The following CDH17 variants were observed in gnomAD, a reference collection of about 807,000 sequenced individuals.
CDH17 encodes cadherin-17.
A neutral mutation model predicts 86.3 loss-of-function variants in CDH17; 67 were observed. The ratio of observed to expected loss-of-function variants is 0.78; its 90% CI spans 0.64 to 0.95. The LOEUF (loss-of-function observed/expected upper bound fraction) is 0.95, where lower values mean the gene tolerates loss of function less well. Among genes scored for constraint, CDH17 ranks in the 40% least tolerant of loss-of-function variants. The pLI is 0.00. For synonymous variants in CDH17, 367 were observed against 366.4 expected, an observed-to-expected ratio of 1.00 and a Z score of -0.02; for missense variants, 993 against 1,017.6, an observed-to-expected ratio of 0.98 and a Z score of 0.33.
At chr8:94,177,767 ATGTTGTGG>A (rs779946080) in intron 3 of CDH17, 46 bp from the exon 4 acceptor site, 3 of 1,582,232 alleles carry the variant, frequency 1.9e-6, no homozygotes, top group Non-Finnish European at 1.7e-6. Flanking sequence ...GGAAAAAACA[ATGTTGTGG>A]AATTTGTAGA....
At chr8:94,212,254 C>A (rs941841975), upstream of CDH17, among the ~76,000 whole-genome samples, 1 of 152,144 alleles carries the variant, frequency 6.6e-6, no homozygotes, top group South Asian at 2.1e-4. Flanking sequence ...CCTTCAGGCT[C>A]AAGCCATCCT....
intron 15 of CDH17, among the ~76,000 whole-genome samples, chr8:94,137,885 T>G (rs1812562169): frequency 6.6e-6 from 1 of 152,182 alleles, no homozygotes; most frequent in Admixed American, 6.5e-5. Context: ...GGGGATCGAC[T>G]GTATGTGTCA....
intron 1 of CDH17, among the ~76,000 whole-genome samples, chr8:94,204,632 A>G (rs902645831): frequency 7.9e-5 from 12 of 152,224 alleles, no homozygotes; most frequent in African/African-American, 2.9e-4. Context: ...TTTATAGTAG[A>G]ATGATTTATA....
intron 2 of CDH17, among the ~76,000 whole-genome samples, chr8:94,191,515 G>A (rs1813689917): frequency 1.4e-5 from 2 of 145,412 alleles, no homozygotes; most frequent in South Asian, 2.2e-4. Flanking sequence ...GCAGTGGCAC[G>A]ATCTTGGCTC....
rs556089768 is a variant in CDH17 at position 94,165,746 on chromosome 8, G to A, written c.1282+15C>T. Reference sequence around the variant, plus strand: ...AACAATGATTTGCACTCAAGACGGTGGATATGATACTAACCTTTGTCAGAC... The same window carrying A: ...AACAATGATTTGCACTCAAGACGGTAGATATGATACTAACCTTTGTCAGAC... On this transcript the variant is annotated intron_variant, in intron 10 of 17. Transcript: ENST00000027335. 21 of 1,533,976 alleles carry A rather than the reference G, an allele frequency of 1.4e-5. No homozygotes were observed. In the South Asian group the frequency reaches 2.2e-4, roughly 16 times the overall value.
intron 17 of CDH17, among the ~76,000 whole-genome samples, chr8:94,128,763 C>T (rs1017599828): frequency 6.6e-6 from 1 of 152,268 alleles, no homozygotes; most frequent in African/African-American, 2.4e-5. Flanking sequence ...AACTAGAAAG[C>T]TGTTCTCTGA....
In CDH17 at chr8:94,132,130, A is replaced by G. The variant is rs553551307; in HGVS notation, c.2168-1138T>C. On this transcript the variant is annotated intron_variant, in intron 15 of 17. Coordinates refer to ENST00000027335, the MANE Select transcript of CDH17 (RefSeq NM_004063.4). ...CTTTGCTCTTGTGAATAGTGCCACA[A>G]TAAACATACGTGTGCACGTGTCTTT... Among the ~76,000 whole-genome samples the G allele has an allele frequency of 4.6e-5, 7 of 152,318 alleles. No homozygotes were observed. The South Asian group carries it at 1.0e-3, about 23-fold the overall frequency.
rs1298516851 is a variant in CDH17, at chr8:94,194,404, A to C, written c.51+231T>G. On this transcript the variant is annotated intron_variant, in intron 2 of 17. Coordinates refer to ENST00000027335, the MANE Select transcript of CDH17 (RefSeq NM_004063.4). ...TTACCCATAACTGGTGTTGGCTTTTAAGAGCTGGAAAGAAAATACATTCCC... is the reference window on the plus strand; with the variant it reads ...TTACCCATAACTGGTGTTGGCTTTTCAGAGCTGGAAAGAAAATACATTCCC... Among the ~76,000 whole-genome samples, 4 of 152,364 alleles carry C rather than the reference A, an allele frequency of 2.6e-5. No homozygotes were observed. In the East Asian group the frequency reaches 7.7e-4, roughly 29 times the overall value.
chr8:94,188,110 C>G (rs754241743), intron 3 of CDH17, among the ~76,000 whole-genome samples: 2 of 152,048 alleles, frequency 1.3e-5, no homozygotes, highest in African/African-American at 4.8e-5. Context: ...CCTGGACCCA[C>G]GCAGATACCA....
In CDH17 at chr8:94,168,097, AAT is replaced by A. The variant is rs529264296; in HGVS notation, c.1067-2123_1067-2122del. Among the ~76,000 whole-genome samples the A allele has an allele frequency of 9.5e-3, 478 of 50,396 alleles. 4 individuals are homozygous for A. The highest frequency in any genetic ancestry group is 0.02 in the African/African-American group (177 of 9,064). 33.1% of individuals were successfully genotyped at this position (50,396 alleles called of 152,430 possible). Reference sequence around the variant, plus strand: ...ACAGGAGAATGTAAATACACTGGGGAATATATATATATATATATATATATATA... The same window carrying A: ...ACAGGAGAATGTAAATACACTGGGGAATATATATATATATATATATATATA... On this transcript the variant is annotated intron_variant, in intron 9 of 17. Coordinates refer to ENST00000027335, the MANE Select transcript of CDH17 (RefSeq NM_004063.4).
chr8:94,197,533 TA>T (rs1485285592), intron 1 of CDH17, among the ~76,000 whole-genome samples: 1 of 151,908 alleles, frequency 6.6e-6, no homozygotes, highest in Non-Finnish European at 1.5e-5. Flanking sequence ...CATTGCTCAA[TA>T]ATAAGTTTGT....
chr8:94,182,459 G>C (rs534499439), intron 3 of CDH17, among the ~76,000 whole-genome samples: 1 of 152,096 alleles, frequency 6.6e-6, no homozygotes, highest in South Asian at 2.1e-4. Context: ...TACAAAGCTG[G>C]TTCAATCTAT....
chr8:94,193,470 A>G (rs1268929963), intron 2 of CDH17, among the ~76,000 whole-genome samples: 2 of 152,238 alleles, frequency 1.3e-5, no homozygotes, highest in African/African-American at 4.8e-5. Flanking sequence ...TTGAATTGCC[A>G]CAAAATCCCA....
At chr8:94,166,682 G>C (rs962981714) in intron 9 of CDH17, among the ~76,000 whole-genome samples, 2 of 152,150 alleles carry the variant, frequency 1.3e-5, no homozygotes, top group African/African-American at 4.8e-5. Context: ...TTAAGGCTCT[G>C]GAGATGAAAT....
intron 11 of CDH17, among the ~76,000 whole-genome samples, chr8:94,160,838 C>T (rs543787405): frequency 2.6e-5 from 4 of 152,292 alleles, no homozygotes; most frequent in African/African-American, 4.8e-5. Context: ...TCTCCACTTA[C>T]GAGGAGCAAA....
At chr8:94,193,581 G>A (rs1324487570) in intron 2 of CDH17, among the ~76,000 whole-genome samples, 1 of 152,134 alleles carries the variant, frequency 6.6e-6, no homozygotes, top group African/African-American at 2.4e-5. Context: ...TGGAGGCACC[G>A]AGTTTGAATC....
chr8:94,163,565 T>C (rs77826267), intron 10 of CDH17, among the ~76,000 whole-genome samples: 5,004 of 152,350 alleles, frequency 0.033, 114 homozygotes, highest in African/African-American at 0.067. Context: ...CAGAAAATGC[T>C]GCTTACTGTG....
chr8:94,129,439 G>T (rs1158068628), intron 17 of CDH17, among the ~76,000 whole-genome samples: 1 of 152,022 alleles, frequency 6.6e-6, no homozygotes, highest in Non-Finnish European at 1.5e-5. Flanking sequence ...CCAGACTGAA[G>T]GGTATAAAGA....
At chr8:94,130,383 A>G (rs1033297809) in intron 17 of CDH17, among the ~76,000 whole-genome samples, 1 of 152,206 alleles carries the variant, frequency 6.6e-6, no homozygotes, top group Non-Finnish European at 1.5e-5. Flanking sequence ...ATATATGACA[A>G]TTGATGACCA....
Sources: allele counts gnomAD v4.1 joint callset (sites outside exome capture counted in the v4.1 genomes callset), GRCh38; gene constraint gnomAD v4.1.1; transcripts MANE v1.5; gene names NCBI Gene and HGNC (gene_info 2026-07-23, HGNC 2026-07-21).